PRKAR2A: variants seen among roughly 807,000 people sequenced by gnomAD.
PRKAR2A encodes protein kinase cAMP-dependent type II regulatory subunit alpha, also known as cAMP-dependent protein kinase type II-alpha regulatory subunit.
In PRKAR2A, 29 loss-of-function variants were observed where a neutral mutation model predicts 51.9. The ratio of observed to expected loss-of-function variants is 0.56; its 90% CI spans 0.42 to 0.76. PRKAR2A has a LOEUF of 0.76. Among genes scored for constraint, PRKAR2A ranks in the 30% least tolerant of loss-of-function variants. The pLI is 0.00. For missense variants in PRKAR2A, 445 were observed against 512.1 expected, an observed-to-expected ratio of 0.87 and a Z score of 1.26; for synonymous variants, 178 against 186.2, an observed-to-expected ratio of 0.96 and a Z score of 0.36.
intron 8 of PRKAR2A, among the ~76,000 whole-genome samples, chr3:48,758,954 A>T (rs1302151645): frequency 6.6e-6 from 1 of 152,194 alleles, no homozygotes; most frequent in Non-Finnish European, 1.5e-5. Flanking sequence ...CATGAGAAAC[A>T]AAAAGCCTTG....
intron 1 of PRKAR2A, among the ~76,000 whole-genome samples, chr3:48,817,429 A>G (rs1409150402): frequency 8.6e-5 from 13 of 151,912 alleles, no homozygotes. Context: ...AGGTGGGTGG[A>G]TCACCTAAGG....
At position 48,807,697 on chromosome 3, in the gene PRKAR2A, G is replaced by A; in HGVS notation, c.263-13C>T. ...CTAGGAACTGGAACTGCAAAATAAA[G>A]AAGCAACATTTAGTCATTATTATGT... On this transcript the variant is annotated splice_polypyrimidine_tract_variant and intron_variant, in intron 1 of 10. Coordinates refer to ENST00000265563, the MANE Select transcript of PRKAR2A (RefSeq NM_004157.4). 6.2e-7 allele frequency: 1 copy of A among 1,603,300 alleles called. No homozygotes were observed. The highest frequency in any genetic ancestry group is 8.5e-7 in the Non-Finnish European group (1 of 1,171,110).
At chr3:48,757,695 G>A (rs185878024) in intron 8 of PRKAR2A, among the ~76,000 whole-genome samples, 1 of 151,950 alleles carries the variant, frequency 6.6e-6, no homozygotes, top group Admixed American at 6.6e-5. Context: ...GGCTGAGGGG[G>A]GTGGATTGCT....
intron 4 of PRKAR2A, among the ~76,000 whole-genome samples, chr3:48,784,801 A>C (rs1317129028): frequency 6.6e-6 from 1 of 152,192 alleles, no homozygotes; most frequent in Admixed American, 6.6e-5. Flanking sequence ...CAAATAACAC[A>C]GTTATAACAC....
intron 5 of PRKAR2A, 124 bp downstream of exon 5, chr3:48,782,857 AGGCTT>A (rs2082223314): frequency 9.2e-6 from 6 of 649,856 alleles, no homozygotes; most frequent in Non-Finnish European, 1.4e-5. Context: ...GACTCTCACA[AGGCTT>A]TGGGAAGCTT....
At chr3:48,831,405 T>C (rs1218699401) in intron 1 of PRKAR2A, among the ~76,000 whole-genome samples, 1 of 149,868 alleles carries the variant, frequency 6.7e-6, no homozygotes, top group Non-Finnish European at 1.5e-5. Context: ...GTCTTGCTCT[T>C]ATCCAGGCTA....
At chr3:48,789,666 T>G (rs535085710) in intron 4 of PRKAR2A, among the ~76,000 whole-genome samples, 1 of 152,018 alleles carries the variant, frequency 6.6e-6, no homozygotes, top group Non-Finnish European at 1.5e-5. Context: ...AATTTTTGTA[T>G]TTTTAGTAGA....
At chr3:48,754,091 G>A (rs1443110748) in intron 9 of PRKAR2A, among the ~76,000 whole-genome samples, 2 of 150,994 alleles carry the variant, frequency 1.3e-5, no homozygotes, top group Non-Finnish European at 3.0e-5. Context: ...TAGTAGAGAC[G>A]GGGTTTAACC....
intron 2 of PRKAR2A, among the ~76,000 whole-genome samples, chr3:48,795,266 ACTAGC>A (rs1432413390): frequency 2.6e-5 from 4 of 151,574 alleles, no homozygotes; most frequent in Non-Finnish European, 4.4e-5. Flanking sequence ...AGCCACCGCG[ACTAGC>A]CTGAGGAAAC....
intron 1 of PRKAR2A, among the ~76,000 whole-genome samples, chr3:48,843,475 G>GA (rs1225342672): frequency 1.3e-5 from 2 of 151,940 alleles, no homozygotes; most frequent in Non-Finnish European, 2.9e-5. Context: ...CACAAAATTG[G>GA]AAAAAACTAC....
chr3:48,772,502 T>C (rs1459542000), intron 6 of PRKAR2A, among the ~76,000 whole-genome samples: 1 of 152,140 alleles, frequency 6.6e-6, no homozygotes, highest in African/African-American at 2.4e-5. Context: ...TCACCGTGCC[T>C]GGCCCCCATT....
intron 1 of PRKAR2A, among the ~76,000 whole-genome samples, chr3:48,813,192 C>T (rs1182685372): frequency 2.8e-5 from 4 of 142,368 alleles, no homozygotes; most frequent in East Asian, 2.1e-4. Flanking sequence ...ACCAAGGGTT[C>T]GAGACCAACC....
intron 8 of PRKAR2A, among the ~76,000 whole-genome samples, chr3:48,758,881 G>A (rs781386026): frequency 4.6e-5 from 7 of 152,144 alleles, no homozygotes; most frequent in Non-Finnish European, 8.8e-5. Flanking sequence ...TCCCTAGCAG[G>A]TAGCGTGAGT....
At chr3:48,762,149 G>A (rs1220955540) in intron 8 of PRKAR2A, among the ~76,000 whole-genome samples, 1 of 152,146 alleles carries the variant, frequency 6.6e-6, no homozygotes, top group Non-Finnish European at 1.5e-5. Flanking sequence ...GCCAGGTGCG[G>A]AGGTGCACAC....
intron 1 of PRKAR2A, among the ~76,000 whole-genome samples, chr3:48,844,113 C>G (rs2083423072): frequency 6.6e-6 from 1 of 152,088 alleles, no homozygotes; most frequent in Non-Finnish European, 1.5e-5. Context: ...TATCCAGAAT[C>G]TACAATGAAC....
intron 3 of PRKAR2A, 124 bp downstream of exon 3, chr3:48,793,873 A>G: frequency 1.2e-6 from 1 of 837,454 alleles, no homozygotes; most frequent in Non-Finnish European, 1.9e-6. Flanking sequence ...TAGATTAAAA[A>G]TGTCACTTCA....
At position 48,783,072 on chromosome 3, in the gene PRKAR2A, G is replaced by C. The variant is rs201671205; in HGVS notation, c.456C>G (p.Leu152=). The C allele has an allele frequency of 6.2e-7, 1 of 1,612,864 alleles. No homozygotes were observed. Among genetic ancestry groups the C allele is most frequent in the South Asian group, 1.1e-5 (1 of 91,064 alleles). The part of the protein sequence containing the change: ...NLDQEQLSQV[L]DAMFERIVKA... The stretch of plus-strand genomic sequence containing the variant: ...TGACTATCCTTTCAAACATGGCATC[G>C]AGAACTTGAGAAAGCTGTTCCTGCA... The change falls in exon 5 of 11, where the codon CTC becomes CTG. Residue 152 remains leucine (L), a synonymous_variant. Coordinates refer to ENST00000265563, the MANE Select transcript of PRKAR2A (RefSeq NM_004157.4).
chr3:48,816,087 C>T (rs1411555975), intron 1 of PRKAR2A, among the ~76,000 whole-genome samples: 4 of 151,898 alleles, frequency 2.6e-5, no homozygotes, highest in African/African-American at 9.7e-5. Flanking sequence ...ACCTTGCCTC[C>T]TATACCTCTC....
In PRKAR2A at chr3:48,781,227, C is replaced by A. The variant is rs201988401; in HGVS notation, c.542+1759G>T. The stretch of plus-strand genomic sequence containing the variant: ...TTTTGAACTCCTGACCTCAAGTGAT[C>A]CACCCACCTCAGCCTCCCAAAATGC... On this transcript the variant is annotated intron_variant, in intron 5 of 10. Coordinates refer to ENST00000265563, the MANE Select transcript of PRKAR2A (RefSeq NM_004157.4). Among the ~76,000 whole-genome samples, 7 of 150,078 alleles carry A rather than the reference C, an allele frequency of 4.7e-5. No homozygotes were observed. The East Asian group carries it at 9.8e-4, about 21-fold the overall frequency.
Sources: gnomAD v4.1 joint callset for allele counts (sites outside exome capture counted in the v4.1 genomes callset) on GRCh38, gnomAD v4.1.1 for gene constraint, MANE v1.5 for transcripts, NCBI Gene and HGNC (gene_info 2026-07-23, HGNC 2026-07-21) for gene names.